The following C12orf42 variants were observed in gnomAD, a reference collection of about 807,000 sequenced individuals.
C12orf42 encodes the protein uncharacterized protein C12orf42.
A neutral mutation model predicts 21.6 loss-of-function variants in C12orf42; 25 were observed. The observed-to-expected ratio is 1.16, with a 90% CI of 0.84 to 1.62. C12orf42 has a LOEUF of 1.62. Among genes scored for constraint, C12orf42 ranks in the 40% most tolerant of loss-of-function variants. C12orf42 has a pLI of 0.00. For missense variants in C12orf42, 483 were observed against 459.3 expected, an observed-to-expected ratio of 1.05 and a Z score of -0.47; for synonymous variants, 174 against 175.0, an observed-to-expected ratio of 0.99 and a Z score of 0.05.
chr12:103,484,531 A>G (rs149647246), intron 1 of C12orf42, among the ~76,000 whole-genome samples: 52 of 151,972 alleles, frequency 3.4e-4, no homozygotes, highest in African/African-American at 1.2e-3. Flanking sequence ...TAATTTGTTT[A>G]AGTTCTTTGT....
chr12:103,539,914 A>G, the C12orf42 span, among the ~76,000 whole-genome samples: 1 of 152,186 alleles, frequency 6.6e-6, no homozygotes, highest in Non-Finnish European at 1.5e-5. Context: ...TAACTTTAAT[A>G]AAAAGGTGAC....
intron 4 of C12orf42, among the ~76,000 whole-genome samples, chr12:103,353,780 G>A (rs1340890024): frequency 2.6e-5 from 4 of 152,208 alleles, no homozygotes; most frequent in Non-Finnish European, 5.9e-5. Flanking sequence ...AGACAGTGGT[G>A]AGAATGACGC....
chr12:103,253,970 CTTTAG>C (rs2034434521), intron 10 of C12orf42, among the ~76,000 whole-genome samples: 1 of 151,978 alleles, frequency 6.6e-6, no homozygotes, highest in Non-Finnish European at 1.5e-5. Flanking sequence ...TGCAGAAGCT[CTTTAG>C]TTTAATTAGA....
At chr12:103,166,839 C>A in the C12orf42 span, among the ~76,000 whole-genome samples, 1 of 151,346 alleles carries the variant, frequency 6.6e-6, no homozygotes, top group African/African-American at 2.4e-5. Context: ...CTTTTTTTTT[C>A]CTTATGTTGT....
intron 2 of C12orf42, among the ~76,000 whole-genome samples, chr12:103,405,414 C>G (rs1264599336): frequency 1.3e-5 from 2 of 152,102 alleles, no homozygotes; most frequent in Non-Finnish European, 2.9e-5. Context: ...TGTGGAGGGG[C>G]ATGTTCCAAT....
intron 10 of C12orf42, among the ~76,000 whole-genome samples, chr12:103,238,107 G>T (rs1179205470): frequency 6.6e-6 from 1 of 152,124 alleles, no homozygotes; most frequent in Non-Finnish European, 1.5e-5. Context: ...ATATGGCCAT[G>T]GCTTGATTTT....
At chr12:103,162,459 C>A in the C12orf42 span, among the ~76,000 whole-genome samples, 1 of 151,998 alleles carries the variant, frequency 6.6e-6, no homozygotes, top group Non-Finnish European at 1.5e-5. Context: ...TTTAAAAGCA[C>A]CTTCAGTTAC....
chr12:103,563,084 G>C, the C12orf42 span, among the ~76,000 whole-genome samples: 1 of 152,166 alleles, frequency 6.6e-6, no homozygotes, highest in Non-Finnish European at 1.5e-5. Flanking sequence ...GTCAATCCCT[G>C]GCTTCTAGTG....
chr12:103,500,073 C>T (rs1450673513), upstream of C12orf42, among the ~76,000 whole-genome samples: 1 of 152,184 alleles, frequency 6.6e-6, no homozygotes, highest in African/African-American at 2.4e-5. Context: ...TAATATATTA[C>T]AAACTTCAGC....
chr12:103,116,281 T>G, the C12orf42 span, among the ~76,000 whole-genome samples: 1 of 151,366 alleles, frequency 6.6e-6, no homozygotes, highest in African/African-American at 2.4e-5. Context: ...GGAAAATCGC[T>G]TGAACCTGGG....
At chr12:103,172,517 C>A in the C12orf42 span, among the ~76,000 whole-genome samples, 2 of 152,028 alleles carry the variant, frequency 1.3e-5, no homozygotes, top group African/African-American at 4.8e-5. Flanking sequence ...ATATAATATT[C>A]CCCCACTATT....
chr12:103,147,506 T>C, the C12orf42 span, among the ~76,000 whole-genome samples: 1 of 109,906 alleles, frequency 9.1e-6, no homozygotes, highest in Non-Finnish European at 1.9e-5. Flanking sequence ...TTTTTTTCTT[T>C]TTTTTTTTTT....
At chr12:103,214,828 T>G in the C12orf42 span, among the ~76,000 whole-genome samples, 1 of 151,570 alleles carries the variant, frequency 6.6e-6, no homozygotes, top group Admixed American at 6.6e-5. Flanking sequence ...AGGGAGGGAG[T>G]TTTTGTTGAT....
the C12orf42 span, among the ~76,000 whole-genome samples, chr12:103,129,109 C>T: frequency 1.3e-5 from 2 of 152,152 alleles, no homozygotes; most frequent in Admixed American, 1.3e-4. Context: ...TATCTTTGAT[C>T]TTTGGTAAGC....
chr12:103,407,203 T>G (rs10860995), intron 2 of C12orf42, among the ~76,000 whole-genome samples: 122,175 of 151,826 alleles, frequency 0.8, 49,316 homozygotes, highest in Admixed American at 0.87. Flanking sequence ...CAGAGGGGGA[T>G]AGGATGAGAC....
At chr12:103,188,542 C>A in the C12orf42 span, among the ~76,000 whole-genome samples, 3 of 152,096 alleles carry the variant, frequency 2.0e-5, no homozygotes, top group Admixed American at 2.0e-4. Flanking sequence ...GAAATATGAC[C>A]TCCAGTGTTG....
the C12orf42 span, among the ~76,000 whole-genome samples, chr12:103,530,306 G>A: frequency 6.6e-6 from 1 of 152,250 alleles, no homozygotes; most frequent in Non-Finnish European, 1.5e-5. Flanking sequence ...AGAGCGTGAT[G>A]TGGGATCGTT....
intron 1 of C12orf42, among the ~76,000 whole-genome samples, chr12:103,481,325 G>A (rs1954455781): frequency 6.6e-6 from 1 of 151,772 alleles, no homozygotes; most frequent in South Asian, 2.1e-4. Context: ...AATCCCAAAA[G>A]TAAATAAGGA....
At chr12:103,222,194 C>T in the C12orf42 span, among the ~76,000 whole-genome samples, 2 of 152,044 alleles carry the variant, frequency 1.3e-5, no homozygotes, top group South Asian at 2.1e-4. Context: ...TGGGTGCAGG[C>T]GGGCTGAGTA....
Sources: gnomAD v4.1 joint callset for allele counts (sites outside exome capture counted in the v4.1 genomes callset) on GRCh38, gnomAD v4.1.1 for gene constraint, MANE v1.5 for transcripts, NCBI Gene and HGNC (gene_info 2026-07-23, HGNC 2026-07-21) for gene names.